HIVEP1: variants seen among roughly 807,000 people sequenced by gnomAD.
HIVEP1 encodes zinc finger protein 40.
In HIVEP1, 36 loss-of-function variants were observed where a neutral mutation model predicts 180.0. The ratio of observed to expected loss-of-function variants is 0.20; its 90% CI spans 0.15 to 0.26. The LOEUF (loss-of-function observed/expected upper bound fraction) is 0.26. Among genes scored for constraint, HIVEP1 ranks in the 10% least tolerant of loss-of-function variants. HIVEP1 has a pLI of 1.00. For synonymous variants in HIVEP1, 1,239 were observed against 1,239.0 expected, an observed-to-expected ratio of 1.00 and a Z score of 0.00; for missense variants, 3,143 against 3,268.7, an observed-to-expected ratio of 0.96 and a Z score of 0.94.
chr6:12,020,440 G>C (rs1183612894), intron 2 of HIVEP1: 1 of 471,110 alleles, frequency 2.1e-6, no homozygotes. Flanking sequence ...GCAGGGCAGC[G>C]CTGTGTCTCC....
chr6:12,075,689 C>T (rs1290825502), intron 2 of HIVEP1, among the ~76,000 whole-genome samples: 1 of 151,490 alleles, frequency 6.6e-6, no homozygotes, highest in Non-Finnish European at 1.5e-5. Context: ...GCTTCAGTAA[C>T]TAACAGCTGG....
At chr6:12,139,374 A>G (rs531266777) in intron 7 of HIVEP1, among the ~76,000 whole-genome samples, 6 of 152,232 alleles carry the variant, frequency 3.9e-5, no homozygotes, top group Non-Finnish European at 8.8e-5. Context: ...CCATTCCAAG[A>G]TGGCCAAATA....
At chr6:12,146,549 G>T (rs908347245) in intron 7 of HIVEP1, among the ~76,000 whole-genome samples, 9 of 152,128 alleles carry the variant, frequency 5.9e-5, no homozygotes. Flanking sequence ...TATAAATAGT[G>T]TTTATGTTAT....
intron 2 of HIVEP1, among the ~76,000 whole-genome samples, chr6:12,051,001 C>CATATGTATATATATAT (rs1554135634): frequency 1.3e-5 from 1 of 77,600 alleles, no homozygotes; most frequent in Non-Finnish European, 2.6e-5. Flanking sequence ...TACACAAGTG[C>CATATGTATATATATAT]ATATATATAT....
intron 3 of HIVEP1, among the ~76,000 whole-genome samples, chr6:12,100,098 T>C (rs1160046908): frequency 6.6e-6 from 1 of 152,218 alleles, no homozygotes. Context: ...TGTGAAGAAC[T>C]GAGGATTCCA....
At chr6:12,147,549 T>C (rs1759451404) in intron 7 of HIVEP1, among the ~76,000 whole-genome samples, 1 of 144,754 alleles carries the variant, frequency 6.9e-6, no homozygotes, top group Non-Finnish European at 1.5e-5. Flanking sequence ...TTGCTGTTGC[T>C]GCTGTTTTAT....
At chr6:12,167,631 TTATATATACATATACATATATATG>T (rs1760744871), downstream of HIVEP1, among the ~76,000 whole-genome samples, 1 of 100,830 alleles carries the variant, frequency 9.9e-6, no homozygotes, top group African/African-American at 6.1e-5. Flanking sequence ...TATATACATG[TTATATATACATATACATATATATG>T]TTATATATAC....
Position 12,124,060 on chromosome 6 carries a change from TAGAA to T in HIVEP1, c.4270_4273del (p.Arg1424GlyfsTer11). 1 of 1,614,092 alleles carries T rather than the reference TAGAA, an allele frequency of 6.2e-7. No homozygotes were observed. Reference sequence around the variant, plus strand: ...GGAGTGACTGGGCATGTGCCTCTCTTAGAAAGAAGGAGAGGCCCACTGGTACGGC... The same window carrying T: ...GGAGTGACTGGGCATGTGCCTCTCTTAGAAGGAGAGGCCCACTGGTACGGC... On this transcript the variant is annotated frameshift_variant, in exon 4 of 9. Coordinates refer to ENST00000379388, the MANE Select transcript of HIVEP1 (RefSeq NM_002114.4). LOFTEE classifies it high-confidence loss of function.
chr6:12,118,162 G>C (rs1183713779), intron 3 of HIVEP1, among the ~76,000 whole-genome samples: 1 of 149,558 alleles, frequency 6.7e-6, no homozygotes. Flanking sequence ...TATTATGGTG[G>C]GTAAATATAT....
At chr6:12,189,319 G>A in the HIVEP1 span, among the ~76,000 whole-genome samples, 4 of 151,710 alleles carry the variant, frequency 2.6e-5, no homozygotes, top group African/African-American at 9.7e-5. Context: ...AGCAACTATA[G>A]AAAAAGACTA....
chr6:12,184,059 A>ATT, the HIVEP1 span, among the ~76,000 whole-genome samples: 537 of 149,316 alleles, frequency 3.6e-3, 3 homozygotes, highest in African/African-American at 0.013. Context: ...ACAGACAGAC[A>ATT]GACTGATTTG....
At chr6:12,044,979 A>G (rs543781316) in intron 2 of HIVEP1, among the ~76,000 whole-genome samples, 1 of 152,314 alleles carries the variant, frequency 6.6e-6, no homozygotes, top group East Asian at 1.9e-4. Context: ...CAATAGAGCT[A>G]AGTCAAATTT....
intron 2 of HIVEP1, among the ~76,000 whole-genome samples, chr6:12,086,176 C>T (rs1381870159): frequency 6.6e-6 from 1 of 152,110 alleles, no homozygotes; most frequent in Non-Finnish European, 1.5e-5. Context: ...GTTTTAGCCA[C>T]TGGCCTTTCT....
At chr6:12,185,628 G>T in the HIVEP1 span, among the ~76,000 whole-genome samples, 1 of 152,226 alleles carries the variant, frequency 6.6e-6, no homozygotes, top group Non-Finnish European at 1.5e-5. Context: ...CCAAAGACTT[G>T]AATTAGAGAG....
At chr6:12,167,665 C>CATGT (rs1562023726), downstream of HIVEP1, among the ~76,000 whole-genome samples, 5 of 79,108 alleles carry the variant, frequency 6.3e-5, no homozygotes, top group African/African-American at 3.5e-4. Context: ...GTTATATATA[C>CATGT]ATATATACAT....
intron 7 of HIVEP1, among the ~76,000 whole-genome samples, chr6:12,144,644 C>T (rs149835526): frequency 0.021 from 3,241 of 152,196 alleles, 128 homozygotes; most frequent in African/African-American, 0.074. Context: ...GGCTAATATC[C>T]AGAATCTACA....
chr6:12,115,644 G>GACTCCTA (rs1775170041), intron 3 of HIVEP1, among the ~76,000 whole-genome samples: 1 of 152,062 alleles, frequency 6.6e-6, no homozygotes, highest in African/African-American at 2.4e-5. Context: ...GTGGCTGCCT[G>GACTCCTA]ACTCCTATTT....
intron 2 of HIVEP1, among the ~76,000 whole-genome samples, chr6:12,050,420 CT>C (rs1345591675): frequency 6.6e-6 from 1 of 152,044 alleles, no homozygotes; most frequent in Admixed American, 6.5e-5. Flanking sequence ...CCTGTCTCTA[CT>C]AAAAATTCAA....
At chr6:12,084,448 C>G (rs1462031430) in intron 2 of HIVEP1, among the ~76,000 whole-genome samples, 1 of 152,082 alleles carries the variant, frequency 6.6e-6, no homozygotes, top group Admixed American at 6.6e-5. Flanking sequence ...ACTCAGTTTA[C>G]TTAGTAGTGA....
Sources: allele counts gnomAD v4.1 joint callset (sites outside exome capture counted in the v4.1 genomes callset), GRCh38; gene constraint gnomAD v4.1.1; transcripts MANE v1.5; gene names NCBI Gene and HGNC (gene_info 2026-07-23, HGNC 2026-07-21).